Variants in AXIN2 observed in about 807,000 individuals in gnomAD.
AXIN2 encodes the protein axin 2.
In AXIN2, 21 loss-of-function variants were observed where a neutral mutation model predicts 74.7. That is an observed-to-expected ratio of 0.28 (90% CI 0.20 to 0.40). AXIN2 has a LOEUF of 0.40. Among genes scored for constraint, AXIN2 ranks in the 10% least tolerant of loss-of-function variants. AXIN2 has a pLI of 1.00. For synonymous variants in AXIN2, 532 were observed against 454.9 expected, an observed-to-expected ratio of 1.17 and a Z score of -2.16; for missense variants, 1,144 against 1,111.1, an observed-to-expected ratio of 1.03 and a Z score of -0.42.
intron 1 of AXIN2, 143 bp from the exon 2 acceptor site, chr17:65,558,879 G>A (rs151309443): frequency 5.6e-5 from 30 of 537,994 alleles, no homozygotes; most frequent in African/African-American, 5.3e-4. Context: ...AGCTATCTGC[G>A]AGGTGCTCAT....
chr17:65,560,916 C>G (rs2044360664), intron 1 of AXIN2: 1 of 147,914 alleles, frequency 6.8e-6, no homozygotes, highest in Admixed American at 6.7e-5. Flanking sequence ...GCGGCGGCAG[C>G]CCCGGGCCCC....
intron 9 of AXIN2, among the ~76,000 whole-genome samples, chr17:65,535,395 T>A (rs769735169): frequency 6.6e-6 from 1 of 152,226 alleles, no homozygotes; most frequent in African/African-American, 2.4e-5. Context: ...GCTAATGGCT[T>A]CATGTCCCAG....
chr17:65,558,895 G>GT (rs1326893140), intron 1 of AXIN2, among the ~76,000 whole-genome samples, 159 bp from the exon 2 acceptor site: 1 of 152,028 alleles, frequency 6.6e-6, no homozygotes, highest in African/African-American at 2.4e-5. Flanking sequence ...CTCATCTAAA[G>GT]TATCAGGCGC....
Position 65,537,428 on chromosome 17 carries a change from C to A in AXIN2, c.1608G>T (p.Thr536=). 1 of 1,614,042 alleles carries A rather than the reference C, an allele frequency of 6.2e-7. No individual in the cohort carries two copies. The highest frequency in any genetic ancestry group is 1.1e-5 in the South Asian group (1 of 91,074). The change falls in exon 6 of 11, where the codon ACG becomes ACT. Residue 536 remains threonine (T), a synonymous_variant. Coordinates refer to ENST00000307078, the MANE Select transcript of AXIN2 (RefSeq NM_004655.4). ...KTKEEIEAEA[T]QRVHCFCPGG... Reference sequence around the variant, plus strand: ...CAGGGCAGAAGCAGTGCACCCGCTGCGTGGCCTCCGCCTCGATCTCCTCCT... The same window carrying A: ...CAGGGCAGAAGCAGTGCACCCGCTGAGTGGCCTCCGCCTCGATCTCCTCCT...
chr17:65,537,192 T>C, intron 6 of AXIN2, 129 bp from the exon 7 acceptor site: 1 of 1,541,300 alleles, frequency 6.5e-7, no homozygotes, highest in Non-Finnish European at 8.9e-7. Context: ...CCCCGCACCC[T>C]CACCCGGCCG....
In AXIN2 at chr17:65,529,955, A is replaced by G. The variant is rs1360043658; in HGVS notation, c.*21T>C. ...CAAGAGCTTCGGGCTCCAACAGTTC[A>G]CCAAAGCCAGACCCCAGGGCTCAAT... is the stretch of plus-strand genomic sequence containing the variant. On this transcript the variant is annotated 3_prime_UTR_variant, in exon 11 of 11. Transcript: ENST00000307078. The G allele has an allele frequency of 1.9e-6, 3 of 1,613,990 alleles. No individual in the cohort carries two copies. The highest frequency in any genetic ancestry group is 2.2e-5 in the South Asian group (2 of 91,084).
rs2144589652 is a variant in AXIN2, at chr17:65,558,408, C to T, written c.213G>A (p.Pro71=). 6.2e-7 allele frequency: 1 copy of T among 1,602,902 alleles called. No homozygotes were observed. Among genetic ancestry groups the T allele is most frequent in the Non-Finnish European group, 8.5e-7 (1 of 1,172,550 alleles). The stretch of plus-strand genomic sequence containing the variant: ...TGGTCCACCGGGTCAGAGGGGAATC[C>T]GGAGATGCCCGCCCCTCCGGCTCCC... The part of the protein sequence containing the change: ...GLGEPEGRAS[P]DSPLTRWTKS... The change falls in exon 2 of 11, where the codon CCG becomes CCA. Residue 71 remains proline, a synonymous_variant. Coordinates refer to ENST00000307078, the MANE Select transcript of AXIN2 (RefSeq NM_004655.4).
At chr17:65,542,736 T>C (rs1253678935) in intron 3 of AXIN2, among the ~76,000 whole-genome samples, 1 of 152,204 alleles carries the variant, frequency 6.6e-6, no homozygotes, top group South Asian at 2.1e-4. Context: ...TATTTTCCCA[T>C]TGATGTCCCT....
intron 1 of AXIN2, chr17:65,561,154 C>T (rs1351921290): frequency 6.7e-6 from 1 of 150,068 alleles, no homozygotes; most frequent in African/African-American, 2.4e-5. Context: ...CAAATGTCCT[C>T]CGGGCGCTTC....
At position 65,558,681 on chromosome 17, in the gene AXIN2, T is replaced by C. The variant is rs1397896370; in HGVS notation, c.-61A>G. 2.3e-5 allele frequency: 35 copies of C among 1,520,292 alleles called. No individual in the cohort carries two copies. Among genetic ancestry groups the C allele is most frequent in the Non-Finnish European group, 3.1e-5 (35 of 1,125,002 alleles). 94.2% of individuals were successfully genotyped at this position (1,520,292 alleles called of 1,614,324 possible). ...TTCTTCTTCCAGTTCCTCTCAGCAA[T>C]CGGCGTGGTCTCTCTGTCTCTCTCA... On this transcript the variant is annotated 5_prime_UTR_variant, in exon 2 of 11. Transcript: ENST00000307078.
At position 65,529,581 on chromosome 17, in the gene AXIN2, T is replaced by C; in HGVS notation, c.*395A>G. ...AAGCAGCATATCCATAAACTGGGGA[T>C]GGGGGAAATCAACTGTTCTATAAAT... On this transcript the variant is annotated 3_prime_UTR_variant, in exon 11 of 11. Coordinates refer to ENST00000307078, the MANE Select transcript of AXIN2 (RefSeq NM_004655.4). The C allele has an allele frequency of 2.9e-6, 1 of 350,132 alleles. No homozygotes were observed. Among genetic ancestry groups the C allele is most frequent in the East Asian group, 4.6e-5 (1 of 21,662 alleles). 21.7% of individuals were successfully genotyped at this position (350,132 alleles called of 1,614,324 possible).
chr17:65,537,243 C>A (rs867812703), intron 6 of AXIN2, 81 bp downstream of exon 6: 4 of 1,592,026 alleles, frequency 2.5e-6, no homozygotes, highest in Non-Finnish European at 3.4e-6. Flanking sequence ...GCCTGTAATG[C>A]GGCTCCCACC....
chr17:65,536,626 A>G (rs920677918), intron 7 of AXIN2, 73 bp from the exon 8 acceptor site: 2 of 1,548,798 alleles, frequency 1.3e-6, no homozygotes, highest in African/African-American at 2.7e-5. Context: ...ATGTGACTTC[A>G]ATAGAAACTT....
intron 5 of AXIN2, 130 bp downstream of exon 5, chr17:65,538,073 C>G (rs1053427980): frequency 4.0e-6 from 6 of 1,518,052 alleles, no homozygotes; most frequent in Non-Finnish European, 5.3e-6. Flanking sequence ...CACACCCACA[C>G]GCAGCCCACG....
chr17:65,552,952 C>T (rs538885008), intron 2 of AXIN2, among the ~76,000 whole-genome samples: 9 of 152,132 alleles, frequency 5.9e-5, no homozygotes, highest in East Asian at 5.8e-4. Flanking sequence ...CGCTTGAACC[C>T]GGGAGGCAAA....
At position 65,543,669 on chromosome 17, in the gene AXIN2, A is replaced by G. The variant is rs1459650886; in HGVS notation, c.957-2112T>C. Among the ~76,000 whole-genome samples the G allele has an allele frequency of 2.6e-5, 4 of 152,156 alleles. No individual in the cohort carries two copies. In the East Asian group the frequency reaches 5.8e-4, roughly 22 times the overall value. ...CCAGAACAGGCATCTGTAACAACCTACACTTGGTCATTTCAATAAGATGCC... is the reference window on the plus strand; with the variant it reads ...CCAGAACAGGCATCTGTAACAACCTGCACTTGGTCATTTCAATAAGATGCC... On this transcript the variant is annotated intron_variant, in intron 3 of 10. Transcript: ENST00000307078.
At chr17:65,550,742 T>A (rs2044179951) in intron 2 of AXIN2, among the ~76,000 whole-genome samples, 1 of 152,054 alleles carries the variant, frequency 6.6e-6, no homozygotes, top group Non-Finnish European at 1.5e-5. Context: ...GGTTGGCAAA[T>A]GAAAAGGACC....
chr17:65,540,806 A>G (rs2044029964), intron 4 of AXIN2, among the ~76,000 whole-genome samples: 1 of 152,186 alleles, frequency 6.6e-6, no homozygotes, highest in Admixed American at 6.5e-5. Flanking sequence ...AAGCTCCCTG[A>G]GACCTTCACC....
intron 3 of AXIN2, 37 bp from the exon 4 acceptor site, chr17:65,541,594 G>C: frequency 5.7e-6 from 9 of 1,569,514 alleles, no homozygotes; most frequent in South Asian, 1.1e-5. Context: ...ACAGGCTTAC[G>C]AGGATGTTTT....
Sources: allele counts gnomAD v4.1 joint callset (sites outside exome capture counted in the v4.1 genomes callset), GRCh38; gene constraint gnomAD v4.1.1; transcripts MANE v1.5; gene names NCBI Gene and HGNC (gene_info 2026-07-23, HGNC 2026-07-21).